The following CHD9 variants were observed in gnomAD, a reference collection of about 807,000 sequenced individuals.
CHD9 encodes the protein chromodomain helicase DNA binding protein 9.
CHD9 carries 77 observed loss-of-function variants against 316.1 expected under a neutral mutation model. That is an observed-to-expected ratio of 0.24 (90% CI 0.20 to 0.29). The LOEUF (loss-of-function observed/expected upper bound fraction) is 0.29. CHD9 is among the 10% of genes least tolerant of loss of function. CHD9 has a pLI of 1.00. For missense variants in CHD9, 2,763 were observed against 3,438.1 expected, an observed-to-expected ratio of 0.80 and a Z score of 4.91; for synonymous variants, 1,129 against 1,158.3, an observed-to-expected ratio of 0.97 and a Z score of 0.51.
At position 53,293,061 on chromosome 16, in the gene CHD9, A is replaced by C; in HGVS notation, c.5510+9A>C. The C allele has an allele frequency of 6.3e-7, 1 of 1,594,492 alleles. No individual in the cohort carries two copies. Among genetic ancestry groups the C allele is most frequent in the Non-Finnish European group, 8.6e-7 (1 of 1,167,400 alleles). Reference sequence around the variant, plus strand: ...ATAGAAAGACAGCAAAGGTAAGACAATAACACTAAATTTTTAATGTATTGT... The same window carrying C: ...ATAGAAAGACAGCAAAGGTAAGACACTAACACTAAATTTTTAATGTATTGT... On this transcript the variant is annotated intron_variant, in intron 29 of 38. Coordinates refer to ENST00000447540, the MANE Select transcript of CHD9 (RefSeq NM_001308319.2).
At chr16:53,113,134 T>G (rs2037996504) in intron 1 of CHD9, among the ~76,000 whole-genome samples, 1 of 152,148 alleles carries the variant, frequency 6.6e-6, no homozygotes, top group African/African-American at 2.4e-5. Flanking sequence ...CAGTGAGCCA[T>G]GATTGTACCA....
chr16:53,095,281 CATACCTATA>C (rs1567323859), intron 1 of CHD9, among the ~76,000 whole-genome samples: 1 of 152,134 alleles, frequency 6.6e-6, no homozygotes, highest in Non-Finnish European at 1.5e-5. Flanking sequence ...CGCAGTGGTT[CATACCTATA>C]ATATCAGCAC....
intron 3 of CHD9, among the ~76,000 whole-genome samples, chr16:53,212,052 T>G (rs1281246404): frequency 1.3e-5 from 2 of 152,192 alleles, no homozygotes; most frequent in Non-Finnish European, 2.9e-5. Context: ...AAATTATTGA[T>G]ATTAGTTAAT....
At chr16:53,064,170 A>G (rs1041636114) in intron 1 of CHD9, among the ~76,000 whole-genome samples, 6 of 152,132 alleles carry the variant, frequency 3.9e-5, no homozygotes, top group African/African-American at 1.4e-4. Context: ...CAGAAGATCA[A>G]TCTATTCCCT....
Position 53,148,593 on chromosome 16 carries a change from G to A in CHD9, c.-164-7333G>A, listed in dbSNP as rs1041077760. 2.0e-5 allele frequency among the ~76,000 whole-genome samples: 3 copies of A among 152,180 alleles called. No homozygotes were observed. The East Asian group carries it at 5.8e-4, about 29-fold the overall frequency. ...TGATTTCTGTTTGTGTTTCACTAAC[G>A]ACTGATGTTGAGTGTCTTCATGTCC... On this transcript the variant is annotated intron_variant, in intron 1 of 38. Transcript: ENST00000447540.
chr16:53,325,551 A>G lies in CHD9; in HGVS notation c.*656A>G, dbSNP rs944891838. ...ATACTTGTTTTCAGGGGTTTTTTAA[A>G]CACATCCTATATATCATGTCAATCT... On this transcript the variant is annotated 3_prime_UTR_variant, in exon 39 of 39. Transcript: ENST00000447540. 1 of 152,554 alleles carries G rather than the reference A, an allele frequency of 6.6e-6. No individual in the cohort carries two copies. Among genetic ancestry groups the G allele is most frequent in the Non-Finnish European group, 1.5e-5 (1 of 68,010 alleles). 9.5% of individuals were successfully genotyped at this position (152,554 alleles called of 1,614,324 possible).
intron 22 of CHD9, among the ~76,000 whole-genome samples, chr16:53,269,018 G>A (rs1421069508): frequency 6.6e-6 from 1 of 151,892 alleles, no homozygotes; most frequent in African/African-American, 2.4e-5. Flanking sequence ...TGTTGCCCAG[G>A]CTGGTCTTGA....
At chr16:53,301,364 C>T (rs1390302197) in intron 30 of CHD9, among the ~76,000 whole-genome samples, 4 of 152,122 alleles carry the variant, frequency 2.6e-5, no homozygotes, top group African/African-American at 9.7e-5. Flanking sequence ...TCCTTAATGT[C>T]TCAGTAATTT....
intron 20 of CHD9, among the ~76,000 whole-genome samples, chr16:53,264,928 A>G (rs1277495187): frequency 1.3e-5 from 2 of 152,210 alleles, no homozygotes; most frequent in Non-Finnish European, 2.9e-5. Context: ...GGCCAAATCA[A>G]CAGGGCTTTG....
chr16:53,067,430 C>T (rs769768309), intron 1 of CHD9, among the ~76,000 whole-genome samples: 1 of 152,060 alleles, frequency 6.6e-6, no homozygotes, highest in Non-Finnish European at 1.5e-5. Context: ...ATCCAGAATA[C>T]CAAATTACAT....
chr16:53,089,982 T>C (rs1183334514), intron 1 of CHD9, among the ~76,000 whole-genome samples: 1 of 152,242 alleles, frequency 6.6e-6, no homozygotes, highest in Non-Finnish European at 1.5e-5. Context: ...GTTGCAGGGC[T>C]GGTTCCTGGA....
chr16:53,200,802 C>T (rs2045390156), intron 2 of CHD9, among the ~76,000 whole-genome samples: 1 of 152,136 alleles, frequency 6.6e-6, no homozygotes, highest in African/African-American at 2.4e-5. Context: ...ACTACTTTAA[C>T]CAAGTAACCA....
At chr16:53,191,239 A>G (rs1392450156) in intron 2 of CHD9, among the ~76,000 whole-genome samples, 1 of 151,974 alleles carries the variant, frequency 6.6e-6, no homozygotes, top group Non-Finnish European at 1.5e-5. Flanking sequence ...CATTTATATT[A>G]TTTTAAACAT....
At chr16:53,253,541 A>G (rs1336170503) in intron 17 of CHD9, among the ~76,000 whole-genome samples, 1 of 152,184 alleles carries the variant, frequency 6.6e-6, no homozygotes, top group Non-Finnish European at 1.5e-5. Flanking sequence ...AATTACTACT[A>G]AAGAACTTAT....
chr16:53,291,846 C>T lies in CHD9; in HGVS notation c.5290+79C>T, dbSNP rs2054368378. 3.5e-6 allele frequency: 3 copies of T among 865,958 alleles called. No homozygotes were observed. The South Asian group carries it at 6.8e-5, about 20-fold the overall frequency. 53.6% of individuals were successfully genotyped at this position (865,958 alleles called of 1,614,324 possible). ...ATACCATGAGATCAGTAAACTATTACACTTTTATAATGTTTCATATATAAA... is the reference window on the plus strand; with the variant it reads ...ATACCATGAGATCAGTAAACTATTATACTTTTATAATGTTTCATATATAAA... On this transcript the variant is annotated intron_variant, in intron 28 of 38. Transcript: ENST00000447540.
Position 53,226,507 on chromosome 16 carries a change from T to C in CHD9, c.2038T>C (p.Phe680Leu). ...PLPGEQPLQL[F>L]VENPSEEDAA... ...ACCTGGTGAACAGCCTTTACAATTG[T>C]TTGTGGTAAGCATATTTGGGATTAT... The change falls in exon 5 of 39, where the codon TTT (phenylalanine) becomes CTT (leucine). Residue 680 changes from phenylalanine to leucine, a missense_variant. By Grantham distance (22) the Phe-to-Leu change is conservative. This residue lies in a region of CHD9 where 859 missense variants were observed against 890.4 expected (regional missense o/e 0.96). Transcript: ENST00000447540. The C allele has an allele frequency of 6.3e-7, 1 of 1,597,038 alleles. No individual in the cohort carries two copies. The highest frequency in any genetic ancestry group is 8.5e-7 in the Non-Finnish European group (1 of 1,176,054).
intron 1 of CHD9, among the ~76,000 whole-genome samples, chr16:53,136,663 A>G (rs994952184): frequency 3.3e-5 from 5 of 152,128 alleles, no homozygotes; most frequent in African/African-American, 1.2e-4. Flanking sequence ...GGGGTTTCTA[A>G]TATTAGGGAA....
At chr16:53,111,073 G>A (rs74990328) in intron 1 of CHD9, among the ~76,000 whole-genome samples, 8,945 of 152,238 alleles carry the variant, frequency 0.059, 753 homozygotes, top group African/African-American at 0.18. Flanking sequence ...AGTCCTGGCA[G>A]AATGGAAGAA....
At chr16:53,254,235 A>G (rs981930438) in intron 17 of CHD9, among the ~76,000 whole-genome samples, 5 of 152,174 alleles carry the variant, frequency 3.3e-5, no homozygotes, top group Non-Finnish European at 7.3e-5. Context: ...ATTTAAGCTT[A>G]TAAACCTAAA....
Sources: allele counts gnomAD v4.1 joint callset (sites outside exome capture counted in the v4.1 genomes callset), GRCh38; gene constraint gnomAD v4.1.1; regional missense constraint gnomAD v4.1.1; transcripts MANE v1.5; gene names NCBI Gene and HGNC (gene_info 2026-07-23, HGNC 2026-07-21).